The following AXIN1 variants were observed in gnomAD, a reference collection of about 807,000 sequenced individuals.
The protein encoded by AXIN1 is axin-1.
AXIN1 carries 30 observed loss-of-function variants against 76.4 expected under a neutral mutation model. The observed-to-expected ratio is 0.39, with a 90% CI of 0.29 to 0.53. The LOEUF (loss-of-function observed/expected upper bound fraction) is 0.53. Among genes scored for constraint, AXIN1 ranks in the 20% least tolerant of loss-of-function variants. The pLI, the probability that AXIN1 is intolerant of heterozygous loss-of-function variation, is 0.66. For synonymous variants in AXIN1, 545 were observed against 501.4 expected (o/e 1.09, Z -1.16); for missense variants, 1,140 against 1,198.8 (o/e 0.95, Z 0.72).
rs768335516 is a variant in AXIN1 at position 351,746 on chromosome 16, AAAT to A, written c.-82+620_-82+622del. On this transcript the variant is annotated intron_variant, in intron 1 of 10. Transcript: ENST00000262320. Reference sequence around the variant, plus strand: ...TATAGTGACACCCCATCTCTACAAAAAATATATATATATATATCTTATAGATGG... The same window carrying A: ...TATAGTGACACCCCATCTCTACAAAAATATATATATATATCTTATAGATGG... Among the ~76,000 whole-genome samples the A allele has an allele frequency of 1.3e-3, 185 of 141,820 alleles. 1 individual carries two copies. Among genetic ancestry groups the A allele is most frequent in the Middle Eastern group, 3.8e-3 (1 of 260 alleles). The allele number at this position is 141,820 out of a possible 152,430, so 93.0% of individuals were successfully genotyped here.
intron 2 of AXIN1, among the ~76,000 whole-genome samples, chr16:320,325 C>T (rs981462772): frequency 6.6e-6 from 1 of 152,180 alleles, no homozygotes; most frequent in Non-Finnish European, 1.5e-5. Flanking sequence ...GGATTACAGG[C>T]ATGAGCCATC....
intron 8 of AXIN1, chr16:291,683 C>T: frequency 8.6e-6 from 3 of 349,208 alleles, no homozygotes; most frequent in Non-Finnish European, 1.7e-5. Context: ...GACACTGGCT[C>T]TGGGGCGTGC....
chr16:326,394 T>TATATATATATATATATACACACACAC (rs144093618), intron 2 of AXIN1, among the ~76,000 whole-genome samples: 1 of 119,660 alleles, frequency 8.4e-6, no homozygotes, highest in African/African-American at 3.5e-5. Flanking sequence ...TATATATATA[T>TATATATATATATATATACACACACAC]ACACACCTAT....
intron 5 of AXIN1, chr16:299,127 G>A: frequency 1.0e-6 from 1 of 985,444 alleles, no homozygotes; most frequent in Non-Finnish European, 1.2e-6. Context: ...TACATGTTGT[G>A]ATGCTGCCTG....
At chr16:309,854 G>A (rs1278623683) in intron 4 of AXIN1, 119 bp downstream of exon 4, 4 of 937,722 alleles carry the variant, frequency 4.3e-6, no homozygotes, top group East Asian at 2.6e-5. Context: ...ACACGCTTAC[G>A]CCTAGAGGTA....
intron 10 of AXIN1, 82 bp from the exon 11 acceptor site, chr16:288,330 A>G (rs2052446331): frequency 1.3e-6 from 2 of 1,571,990 alleles, no homozygotes; most frequent in Non-Finnish European, 1.7e-6. Flanking sequence ...CGGCGTGTCC[A>G]CACCCCATCC....
chr16:307,158 C>T (rs2053049576), intron 4 of AXIN1, among the ~76,000 whole-genome samples: 1 of 152,196 alleles, frequency 6.6e-6, no homozygotes, highest in Non-Finnish European at 1.5e-5. Context: ...GAACAGTCAG[C>T]ACCACAGAGA....
chr16:329,272 C>CAAAAAAAAA, intron 2 of AXIN1, among the ~76,000 whole-genome samples: 1 of 71,200 alleles, frequency 1.4e-5, no homozygotes, highest in South Asian at 6.0e-4. Flanking sequence ...GCGAGACTGT[C>CAAAAAAAAA]AAAAAAAAAA....
intron 2 of AXIN1, among the ~76,000 whole-genome samples, chr16:327,366 C>A (rs1567293678): frequency 6.6e-6 from 1 of 152,176 alleles, no homozygotes; most frequent in Non-Finnish European, 1.5e-5. Flanking sequence ...GTGGCAGACA[C>A]AAAAGGGCAA....
At chr16:333,409 A>G (rs1016472067) in intron 2 of AXIN1, among the ~76,000 whole-genome samples, 3 of 151,592 alleles carry the variant, frequency 2.0e-5, no homozygotes, top group Admixed American at 6.6e-5. Context: ...AGGATCGCTC[A>G]AGCCTTTTTT....
intron 8 of AXIN1, chr16:292,923 A>AG (rs1379178255): frequency 1.6e-5 from 2 of 123,302 alleles, no homozygotes; most frequent in African/African-American, 8.3e-5. Flanking sequence ...GGATGAGAGA[A>AG]GGGCACAGTG....
chr16:320,739 A>ATTT lies in AXIN1; in HGVS notation c.879-6057_879-6056insAAA, dbSNP rs1442116204. 1.5e-3 allele frequency among the ~76,000 whole-genome samples: 135 copies of ATTT among 91,956 alleles called. 1 individual carries two copies. Among genetic ancestry groups the ATTT allele is most frequent in the South Asian group, 9.1e-3 (29 of 3,180 alleles). 60.3% of individuals were successfully genotyped at this position (91,956 alleles called of 152,430 possible). A position where few individuals can be genotyped will look rare whatever the true frequency, so the allele number is the denominator to read the frequency against. On this transcript the variant is annotated intron_variant, in intron 2 of 10. Coordinates refer to ENST00000262320, the MANE Select transcript of AXIN1 (RefSeq NM_003502.4). Reference sequence around the variant, plus strand: ...CGTGTGTGTGTATATATATATATATATATATTTTTTTTTTTTTTGAGACGG... The same window carrying ATTT: ...CGTGTGTGTGTATATATATATATATATTTTATATTTTTTTTTTTTTTGAGACGG...
chr16:316,699 C>A (rs1157190936), intron 2 of AXIN1, among the ~76,000 whole-genome samples: 5 of 152,208 alleles, frequency 3.3e-5, no homozygotes, highest in Non-Finnish European at 7.4e-5. Flanking sequence ...ACATTGCACC[C>A]TGACAGTCGT....
At chr16:318,042 A>AGCACACGGCGCGTCTGTAGCCCACG (rs2053344074) in intron 2 of AXIN1, among the ~76,000 whole-genome samples, 1 of 151,936 alleles carries the variant, frequency 6.6e-6, no homozygotes, top group South Asian at 2.1e-4. Context: ...TGTAGCCCAC[A>AGCACACGGCGCGTCTGTAGCCCACG]GCACACGGCG....
At chr16:291,541 T>C (rs1013214151) in intron 8 of AXIN1, 2 of 571,708 alleles carry the variant, frequency 3.5e-6, no homozygotes, top group Non-Finnish European at 6.4e-6. Flanking sequence ...CTGAGTTCCC[T>C]GGACCGCACT....
chr16:295,176 G>A (rs1000665656), intron 7 of AXIN1, among the ~76,000 whole-genome samples: 1 of 150,756 alleles, frequency 6.6e-6, no homozygotes, highest in Non-Finnish European at 1.5e-5. Flanking sequence ...TCGGATCTCG[G>A]CTCACTGCAA....
rs779227345 is a variant in AXIN1 at position 293,444 on chromosome 16, G to T, written c.2186+44C>A. 9 of 1,582,140 alleles carry T rather than the reference G, an allele frequency of 5.7e-6. No individual in the cohort carries two copies. The highest frequency in any genetic ancestry group is 7.8e-6 in the Non-Finnish European group (9 of 1,160,736). On this transcript the variant is annotated intron_variant, in intron 8 of 10. Transcript: ENST00000262320. This position sits in a 1 kb window ranked among gnomAD's most constrained non-coding sequence, Gnocchi z 4.6. Reference sequence around the variant, plus strand: ...GAGCTTCAGCCCCAGGAGTGGTGCTGTGGTAACCCCCAAGACCCACCCCAC... The same window carrying T: ...GAGCTTCAGCCCCAGGAGTGGTGCTTTGGTAACCCCCAAGACCCACCCCAC...
chr16:304,321 G>A lies in AXIN1; in HGVS notation c.1237C>T (p.Leu413=), dbSNP rs2141545245. Residue 413 remains leucine (L), a synonymous_variant, in exon 5 of 11, where the codon CTG becomes TTG. Transcript: ENST00000262320. Reference sequence around the variant, plus strand: ...CCACTCACCATGCGCACGCGCTTCAGCCGCTCCTCCAGCTTCTCCTCGGCC... The same window carrying A: ...CCACTCACCATGCGCACGCGCTTCAACCGCTCCTCCAGCTTCTCCTCGGCC... The part of the protein sequence containing the change: ...REAEEKLEER[L]KRVRMEEEGE... The A allele has an allele frequency of 6.2e-7, 1 of 1,611,950 alleles. No homozygotes were observed. The highest frequency in any genetic ancestry group is 8.5e-7 in the Non-Finnish European group (1 of 1,179,646).
chr16:293,097 A>G lies in AXIN1; in HGVS notation c.2186+391T>C. 1 of 281,700 alleles carries G rather than the reference A, an allele frequency of 3.5e-6. No homozygotes were observed. Among genetic ancestry groups the G allele is most frequent in the Non-Finnish European group, 6.8e-6 (1 of 147,108 alleles). The allele number at this position is 281,700 out of a possible 1,614,324, so 17.5% of individuals were successfully genotyped here. ...GGGCTCCTGGGACGCAACTGTCAAG[A>G]GGCAGCCGCCATGCCTCCAGGACCT... On this transcript the variant is annotated intron_variant, in intron 8 of 10. Transcript: ENST00000262320. This position sits in a 1 kb window ranked among gnomAD's most constrained non-coding sequence, Gnocchi z 4.6.
Sources: gnomAD v4.1 joint callset for allele counts (sites outside exome capture counted in the v4.1 genomes callset) on GRCh38, gnomAD v4.1.1 for gene constraint, Gnocchi (gnomAD v3.1) non-coding constraint, MANE v1.5 for transcripts, NCBI Gene and HGNC (gene_info 2026-07-23, HGNC 2026-07-21) for gene names.